CNTNAP3: variants seen among roughly 807,000 people sequenced by gnomAD.
The protein encoded by CNTNAP3 is contactin associated protein family member 3, also known as contactin-associated protein-like 3.
A neutral mutation model predicts 92.1 loss-of-function variants in CNTNAP3; 36 were observed. The ratio of observed to expected loss-of-function variants is 0.39; its 90% confidence interval spans 0.30 to 0.52. The LOEUF is 0.52. Among genes scored for constraint, CNTNAP3 ranks in the 20% least tolerant of loss-of-function variants. The pLI is 0.76. For synonymous variants in CNTNAP3, 232 were observed against 422.3 expected (o/e 0.55, Z 5.53); for missense variants, 534 against 1,069.6 (o/e 0.50, Z 6.98).
intron 15 of CNTNAP3, among the ~76,000 whole-genome samples, chr9:39,108,388 G>A (rs544172047): frequency 1.8e-4 from 28 of 152,244 alleles, no homozygotes; most frequent in African/African-American, 6.3e-4. Flanking sequence ...GGATGGAGAC[G>A]CCACGCCATC....
At chr9:39,083,569 G>T (rs1587697374) in intron 21 of CNTNAP3, among the ~76,000 whole-genome samples, 1 of 151,778 alleles carries the variant, frequency 6.6e-6, no homozygotes, top group East Asian at 2.0e-4. Flanking sequence ...TGAGGCAGGA[G>T]AATCGTGTGA....
intron 12 of CNTNAP3, among the ~76,000 whole-genome samples, chr9:39,138,327 A>T (rs2778158): frequency 8.5e-5 from 13 of 152,130 alleles, no homozygotes; most frequent in African/African-American, 1.2e-4. Context: ...AGGGAGCCTT[A>T]GCCTCTGGGC....
At chr9:39,108,011 T>TA (rs1382589177) in intron 15 of CNTNAP3, among the ~76,000 whole-genome samples, 2 of 152,122 alleles carry the variant, frequency 1.3e-5, no homozygotes, top group African/African-American at 4.8e-5. Flanking sequence ...GCTAACAATT[T>TA]AGCTTGCCAC....
intron 13 of CNTNAP3, among the ~76,000 whole-genome samples, chr9:39,128,888 C>T (rs962682907): frequency 6.6e-6 from 1 of 150,722 alleles, no homozygotes; most frequent in Non-Finnish European, 1.5e-5. Flanking sequence ...ATGTAAAGCA[C>T]AACAGCACTT....
At chr9:39,088,272 C>A in intron 19 of CNTNAP3, 151 bp downstream of exon 19, 2 of 740,114 alleles carry the variant, frequency 2.7e-6, no homozygotes, top group Admixed American at 4.4e-5. Context: ...TTATACATAA[C>A]CATTAAGGCA....
chr9:39,127,643 C>T (rs1821182136), intron 13 of CNTNAP3, among the ~76,000 whole-genome samples: 1 of 152,140 alleles, frequency 6.6e-6, no homozygotes, highest in East Asian at 1.9e-4. Flanking sequence ...AATAATTCTA[C>T]ACAAATCAAC....
rs1207104214 is a variant in CNTNAP3, at chr9:39,099,965, C to T, written c.2941G>A (p.Gly981Arg). 2 of 1,607,922 alleles carry T rather than the reference C, an allele frequency of 1.2e-6. No individual in the cohort carries two copies. The highest frequency in any genetic ancestry group is 1.1e-5 in the South Asian group (1 of 90,240). The change falls in exon 18 of 24, where the codon GGG (glycine) becomes AGG (arginine). Residue 981 changes from glycine (G) to arginine (R), a missense_variant. Transcript: ENST00000297668. ...NGGRCREKRR[G>R]VTCDCAFSAY... ...GAGAAGGCACAGTCACAGGTGACCC[C>T]CCTGCGTTTCTCTCTGCATCTCCCT...
intron 19 of CNTNAP3, among the ~76,000 whole-genome samples, chr9:39,087,619 T>C (rs997603558): frequency 6.6e-6 from 1 of 152,150 alleles, no homozygotes; most frequent in Non-Finnish European, 1.5e-5. Flanking sequence ...CCCGAGTAGC[T>C]GGGACTACAG....
intron 10 of CNTNAP3, among the ~76,000 whole-genome samples, chr9:39,149,144 G>A (rs1018134537): frequency 3.9e-5 from 6 of 152,044 alleles, no homozygotes; most frequent in Admixed American, 6.6e-5. Flanking sequence ...TGTGGGGTTG[G>A]GTGGCTGATG....
intron 12 of CNTNAP3, among the ~76,000 whole-genome samples, chr9:39,135,821 A>T (rs115874260): frequency 0.016 from 2,454 of 152,168 alleles, 70 homozygotes; most frequent in African/African-American, 0.056. Context: ...TACTGAGAGT[A>T]AAAAAGAAAA....
At position 39,070,892 on chromosome 9, in the gene CNTNAP3, G is replaced by A. The variant is rs1199837802; in HGVS notation, c.*2998C>T. 6.6e-6 allele frequency among the ~76,000 whole-genome samples: 1 copy of A among 152,316 alleles called. No individual in the cohort carries two copies. The highest frequency in any genetic ancestry group is 6.5e-5 in the Admixed American group (1 of 15,302). On this transcript the variant is annotated 3_prime_UTR_variant, in exon 24 of 24. Transcript: ENST00000297668. The stretch of plus-strand genomic sequence containing the variant: ...AACAAAGATCCAGAATTATTGGTCA[G>A]TCTAGGCAAACAGTATCAAACAGCC...
chr9:39,074,520 ATGGC>A, intron 23 of CNTNAP3, among the ~76,000 whole-genome samples: 2 of 151,616 alleles, frequency 1.3e-5, no homozygotes, highest in South Asian at 4.2e-4. Context: ...ACTTTTGGAT[ATGGC>A]TGTGTTAGGC....
At chr9:39,120,488 G>T (rs1258575011) in intron 13 of CNTNAP3, among the ~76,000 whole-genome samples, 1 of 152,116 alleles carries the variant, frequency 6.6e-6, no homozygotes, top group Non-Finnish European at 1.5e-5. Context: ...TGGCTAACAC[G>T]GTGAAACCCC....
chr9:39,109,021 T>A, intron 15 of CNTNAP3, 139 bp downstream of exon 15: 1 of 1,331,962 alleles, frequency 7.5e-7, no homozygotes, highest in South Asian at 1.6e-5. Flanking sequence ...GCCTTTATGG[T>A]ATGTGTGTTT....
chr9:39,134,530 T>A (rs1451287132), intron 12 of CNTNAP3, among the ~76,000 whole-genome samples: 1 of 152,052 alleles, frequency 6.6e-6, no homozygotes, highest in Admixed American at 6.6e-5. Context: ...GTTCAAGCAG[T>A]TCTCCTGTCT....
intron 23 of CNTNAP3, among the ~76,000 whole-genome samples, chr9:39,076,708 C>T (rs1825776688): frequency 6.6e-6 from 1 of 152,306 alleles, no homozygotes; most frequent in Non-Finnish European, 1.5e-5. Flanking sequence ...GTGGCTCATG[C>T]CTGTAATCCT....
At chr9:39,117,791 C>T in intron 14 of CNTNAP3, 1 of 338,058 alleles carries the variant, frequency 3.0e-6, no homozygotes, top group South Asian at 2.9e-5. Context: ...CACATGAATA[C>T]TACGTTAATT....
At chr9:39,141,792 G>C (rs1365684350) in intron 11 of CNTNAP3, among the ~76,000 whole-genome samples, 6 of 152,134 alleles carry the variant, frequency 3.9e-5, no homozygotes, top group Non-Finnish European at 7.4e-5. Context: ...AAAGTGACTA[G>C]AATTTGTGCT....
At chr9:39,103,388 C>G (rs1374978711) in intron 16 of CNTNAP3, among the ~76,000 whole-genome samples, 1 of 152,092 alleles carries the variant, frequency 6.6e-6, no homozygotes, top group Non-Finnish European at 1.5e-5. Context: ...TGAAGACCAG[C>G]CTGGTCAACA....
Sources: allele counts gnomAD v4.1 joint callset (sites outside exome capture counted in the v4.1 genomes callset), GRCh38; gene constraint gnomAD v4.1.1; transcripts MANE v1.5; gene names NCBI Gene and HGNC (gene_info 2026-07-23, HGNC 2026-07-21).